Variants in OPCML observed in about 807,000 individuals in gnomAD.
OPCML encodes opioid-binding protein/cell adhesion molecule.
OPCML carries 13 observed loss-of-function variants against 37.8 expected under a neutral mutation model. That is an observed-to-expected ratio of 0.34 (90% CI 0.22 to 0.55). OPCML has a LOEUF of 0.55. Among genes scored for constraint, OPCML ranks in the 20% least tolerant of loss-of-function variants. OPCML has a pLI of 0.91. For synonymous variants in OPCML, 176 were observed against 168.8 expected (o/e 1.04, Z -0.33); for missense variants, 341 against 435.6 (o/e 0.78, Z 1.93).
intron 1 of OPCML, among the ~76,000 whole-genome samples, chr11:133,387,863 C>G (rs925260136): frequency 2.0e-5 from 3 of 152,156 alleles, no homozygotes; most frequent in African/African-American, 7.2e-5. Flanking sequence ...AGACCTGCCT[C>G]TCAAGGTTAC....
chr11:133,412,114 C>T (rs7127974), intron 1 of OPCML, among the ~76,000 whole-genome samples: 13,792 of 152,196 alleles, frequency 0.091, 1,828 homozygotes, highest in African/African-American at 0.29. Flanking sequence ...GGGCAGAATA[C>T]AAGCAAATCC....
In OPCML at chr11:132,667,482, T is replaced by C. The variant is rs146669215; in HGVS notation, c.147-10163A>G. ...CATTGCAGTATGTAAGTATATATACTAATGAGAATGATCTTATCAATGGGA... is the reference window on the plus strand; with the variant it reads ...CATTGCAGTATGTAAGTATATATACCAATGAGAATGATCTTATCAATGGGA... On this transcript the variant is annotated intron_variant, in intron 2 of 7. Coordinates refer to ENST00000524381, the MANE Select transcript of OPCML (RefSeq NM_001012393.5). 7.5e-4 allele frequency among the ~76,000 whole-genome samples: 114 copies of C among 152,254 alleles called. 2 individuals carry two copies. The East Asian group carries it at 0.021, about 29-fold the overall frequency.
intron 2 of OPCML, among the ~76,000 whole-genome samples, chr11:132,675,194 T>C (rs898731916): frequency 1.3e-5 from 2 of 150,432 alleles, no homozygotes; most frequent in African/African-American, 4.9e-5. Context: ...TATATATATA[T>C]ATATAACTTT....
At chr11:133,154,840 A>G (rs1206307714) in intron 1 of OPCML, among the ~76,000 whole-genome samples, 1 of 152,076 alleles carries the variant, frequency 6.6e-6, no homozygotes, top group African/African-American at 2.4e-5. Context: ...TGCAAAGATG[A>G]GAATCAAAGT....
chr11:132,968,159 T>C (rs1946255348), intron 1 of OPCML, among the ~76,000 whole-genome samples: 1 of 152,218 alleles, frequency 6.6e-6, no homozygotes, highest in South Asian at 2.1e-4. Context: ...GTAAATAATA[T>C]TGTGCTTTTA....
intron 2 of OPCML, among the ~76,000 whole-genome samples, chr11:132,711,065 G>A (rs751245321): frequency 1.7e-4 from 26 of 152,144 alleles, no homozygotes; most frequent in Non-Finnish European, 2.6e-4. Flanking sequence ...TGACAGAGAC[G>A]TGGTGGGTGA....
At chr11:132,763,920 T>A (rs576896027) in intron 2 of OPCML, among the ~76,000 whole-genome samples, 1 of 152,308 alleles carries the variant, frequency 6.6e-6, no homozygotes, top group South Asian at 2.1e-4. Flanking sequence ...CAATGATAAA[T>A]AAATCAACTT....
At chr11:132,709,332 T>A (rs1056554880) in intron 2 of OPCML, among the ~76,000 whole-genome samples, 9 of 152,216 alleles carry the variant, frequency 5.9e-5, no homozygotes, top group African/African-American at 1.9e-4. Context: ...TACAGGGTGC[T>A]CCTGGATAGC....
intron 1 of OPCML, among the ~76,000 whole-genome samples, chr11:133,414,209 C>T (rs767262923): frequency 6.6e-6 from 1 of 151,974 alleles, no homozygotes; most frequent in Non-Finnish European, 1.5e-5. Flanking sequence ...GGCGAGAGAC[C>T]CTAAAAAAGC....
intron 2 of OPCML, among the ~76,000 whole-genome samples, chr11:132,834,735 G>A (rs954379289): frequency 1.3e-5 from 2 of 152,030 alleles, no homozygotes; most frequent in East Asian, 1.9e-4. Flanking sequence ...ATTTTAACTC[G>A]ATCACACCTG....
chr11:133,420,148 T>TA (rs1461033341), intron 1 of OPCML: 1 of 480,022 alleles, frequency 2.1e-6, no homozygotes, highest in Non-Finnish European at 2.7e-6. Flanking sequence ...AATGTTATAG[T>TA]AATTAAATAT....
At chr11:132,867,242 G>T (rs1183908074) in intron 2 of OPCML, among the ~76,000 whole-genome samples, 3 of 152,130 alleles carry the variant, frequency 2.0e-5, no homozygotes, top group African/African-American at 7.2e-5. Flanking sequence ...GAATGGAAAA[G>T]GACTGTTGGT....
At chr11:132,791,855 G>T (rs1026459988) in intron 2 of OPCML, among the ~76,000 whole-genome samples, 3 of 152,154 alleles carry the variant, frequency 2.0e-5, no homozygotes, top group Non-Finnish European at 4.4e-5. Context: ...TGACTGACAG[G>T]CCCTCTCTCC....
At chr11:132,979,809 G>C (rs1407754232) in intron 1 of OPCML, among the ~76,000 whole-genome samples, 1 of 152,156 alleles carries the variant, frequency 6.6e-6, no homozygotes, top group Non-Finnish European at 1.5e-5. Context: ...TGCTGGGAGA[G>C]CAGCTTGTAA....
At chr11:132,457,861 C>T (rs780368991) in intron 4 of OPCML, among the ~76,000 whole-genome samples, 2 of 152,176 alleles carry the variant, frequency 1.3e-5, no homozygotes, top group Non-Finnish European at 2.9e-5. Context: ...TTTCATTCAA[C>T]AAATATCAGC....
intron 1 of OPCML, among the ~76,000 whole-genome samples, chr11:133,481,248 T>A (rs1947364430): frequency 1.3e-5 from 2 of 151,556 alleles, no homozygotes; most frequent in South Asian, 2.1e-4. Flanking sequence ...CCCAAAAGAG[T>A]TTACAATCAA....
intron 1 of OPCML, among the ~76,000 whole-genome samples, chr11:133,057,507 G>A (rs1948261950): frequency 6.6e-6 from 1 of 152,170 alleles, no homozygotes; most frequent in Admixed American, 6.5e-5. Flanking sequence ...GCTTCTGGGT[G>A]GGTGTGGCCA....
chr11:133,163,104 C>A lies in OPCML; in HGVS notation c.62-220094G>T, dbSNP rs190691554. Among the ~76,000 whole-genome samples the A allele has an allele frequency of 8.5e-4, 130 of 152,304 alleles. 1 individual carries two copies. The highest frequency in any genetic ancestry group is 1.6e-3 in the Non-Finnish European group (112 of 68,012). On this transcript the variant is annotated intron_variant, in intron 1 of 7. Transcript: ENST00000524381. ...GTGAGATGACATTGGTGCAGTTAAA[C>A]TTTATTTATTTGTGTGCCAGGTCTT...
intron 1 of OPCML, among the ~76,000 whole-genome samples, chr11:133,321,367 CA>C (rs1039998872): frequency 6.6e-6 from 1 of 152,116 alleles, no homozygotes; most frequent in Non-Finnish European, 1.5e-5. Context: ...AGCAGCTCTA[CA>C]AAAGAGCATT....
Sources: gnomAD v4.1 joint callset for allele counts (sites outside exome capture counted in the v4.1 genomes callset) on GRCh38, gnomAD v4.1.1 for gene constraint, MANE v1.5 for transcripts, NCBI Gene and HGNC (gene_info 2026-07-23, HGNC 2026-07-21) for gene names.